SLC25A17: variants seen among roughly 807,000 people sequenced by gnomAD.
The protein encoded by SLC25A17 is peroxisomal membrane protein PMP34.
Under a neutral mutation model 38.5 loss-of-function variants are expected in SLC25A17, and 26 were observed. The observed-to-expected ratio is 0.68, with a 90% CI of 0.50 to 0.94. The LOEUF (loss-of-function observed/expected upper bound fraction) is 0.94, where lower values mean the gene tolerates loss of function less well. Ranked by LOEUF, SLC25A17 falls within the 40% of genes least tolerant of loss-of-function variation. The pLI, the probability that SLC25A17 is intolerant of heterozygous loss-of-function variation, is 0.00. For missense variants in SLC25A17, 333 were observed against 372.7 expected (o/e 0.89, Z 0.88); for synonymous variants, 139 against 136.2 (o/e 1.02, Z -0.14).
At chr22:40,780,723 G>A (rs1005268505) in intron 4 of SLC25A17, among the ~76,000 whole-genome samples, 1 of 152,154 alleles carries the variant, frequency 6.6e-6, no homozygotes, top group African/African-American at 2.4e-5. Context: ...ACCGTAGAAA[G>A]GTATAGTGCA....
chr22:40,770,901 A>C lies in SLC25A17; in HGVS notation c.857T>G (p.Leu286Arg). Residue 286 changes from leucine to arginine, a missense_variant, in exon 9 of 9, where the codon CTT (leucine) becomes CGT (arginine). Leu to Arg is a moderately radical substitution (Grantham distance 102). Transcript: ENST00000435456. ...QTVLTAALMFLVYEKLTAATF... is the reference protein window; with the variant it reads ...QTVLTAALMFRVYEKLTAATF... ...GGCAGCTGTCAGTTTCTCATAAACA[A>C]GGAACATGAGAGCAGCAGTGAGGAC... The C allele has an allele frequency of 6.2e-7, 1 of 1,613,682 alleles. No individual in the cohort carries two copies. The highest frequency in any genetic ancestry group is 1.1e-5 in the South Asian group (1 of 91,034).
At chr22:40,795,465 T>G (rs1324374003) in intron 2 of SLC25A17, among the ~76,000 whole-genome samples, 1 of 152,118 alleles carries the variant, frequency 6.6e-6, no homozygotes, top group Non-Finnish European at 1.5e-5. Context: ...GCTAATTTTT[T>G]GTTTTTGTAG....
chr22:40,772,191 A>G (rs1223016981), intron 8 of SLC25A17, among the ~76,000 whole-genome samples: 1 of 152,184 alleles, frequency 6.6e-6, no homozygotes, highest in East Asian at 1.9e-4. Flanking sequence ...CAGCTGTACC[A>G]TTCTATATTC....
At chr22:40,788,163 T>C (rs979262633) in intron 4 of SLC25A17, among the ~76,000 whole-genome samples, 1 of 152,240 alleles carries the variant, frequency 6.6e-6, no homozygotes, top group Admixed American at 6.5e-5. Context: ...CACAAACTAG[T>C]GACTTGCCTT....
intron 1 of SLC25A17, among the ~76,000 whole-genome samples, chr22:40,814,602 A>G (rs1185322612): frequency 6.6e-6 from 1 of 152,074 alleles, no homozygotes; most frequent in Non-Finnish European, 1.5e-5. Flanking sequence ...TAAAAGTCTG[A>G]CATTGTGAAA....
At position 40,818,543 on chromosome 22, in the gene SLC25A17, T is replaced by A. The variant is rs79295691; in HGVS notation, c.54+652A>T. ...GGGCAACACTGCCAGACCCCAAAAA[T>A]TTTTTTTAAAAATGTAGCCGGGTGT... On this transcript the variant is annotated intron_variant, in intron 1 of 8. Coordinates refer to ENST00000435456, the MANE Select transcript of SLC25A17 (RefSeq NM_006358.4). 1.3e-3 allele frequency among the ~76,000 whole-genome samples: 186 copies of A among 141,352 alleles called. 1 individual carries two copies. Among genetic ancestry groups the A allele is most frequent in the Admixed American group, 2.5e-3 (36 of 14,250 alleles). The allele number at this position is 141,352 out of a possible 152,430, so 92.7% of individuals were successfully genotyped here. A position where few individuals can be genotyped will look rare whatever the true frequency, so the allele number is the denominator to read the frequency against.
At chr22:40,782,113 A>C (rs1316077014) in intron 4 of SLC25A17, among the ~76,000 whole-genome samples, 1 of 152,036 alleles carries the variant, frequency 6.6e-6, no homozygotes, top group Non-Finnish European at 1.5e-5. Flanking sequence ...CCAGCTACTC[A>C]GGAGGCTGAG....
intron 7 of SLC25A17, among the ~76,000 whole-genome samples, chr22:40,774,314 C>T (rs2057218965): frequency 6.6e-6 from 1 of 151,770 alleles, no homozygotes; most frequent in Non-Finnish European, 1.5e-5. Context: ...ACCTCCACCT[C>T]CCAGGTTCAA....
chr22:40,800,319 C>A (rs2057469615), intron 1 of SLC25A17, among the ~76,000 whole-genome samples: 1 of 152,002 alleles, frequency 6.6e-6, no homozygotes, highest in Admixed American at 6.6e-5. Flanking sequence ...AGATGCATAC[C>A]CACTGGTATA....
chr22:40,777,854 T>C (rs1008785681), intron 5 of SLC25A17, among the ~76,000 whole-genome samples: 12 of 152,184 alleles, frequency 7.9e-5, no homozygotes, highest in Non-Finnish European at 1.5e-4. Flanking sequence ...AATTACTTTT[T>C]GATAATCAGA....
intron 8 of SLC25A17, among the ~76,000 whole-genome samples, chr22:40,773,229 G>A (rs983898094): frequency 6.6e-6 from 1 of 151,934 alleles, no homozygotes; most frequent in African/African-American, 2.4e-5. Context: ...CAAACACAGT[G>A]AAACCCCATC....
chr22:40,784,264 A>G (rs2057318167), intron 4 of SLC25A17, among the ~76,000 whole-genome samples: 1 of 152,102 alleles, frequency 6.6e-6, no homozygotes. Context: ...GGCTTGTGGG[A>G]AAGGGTATAT....
At chr22:40,796,850 G>A (rs998096751) in intron 2 of SLC25A17, among the ~76,000 whole-genome samples, 6 of 152,132 alleles carry the variant, frequency 3.9e-5, no homozygotes, top group African/African-American at 1.4e-4. Flanking sequence ...TCACACCATG[G>A]AATGGAACAC....
chr22:40,795,790 T>G lies in SLC25A17; in HGVS notation c.116-1210A>C, dbSNP rs568455486. Among the ~76,000 whole-genome samples, 364 of 152,030 alleles carry G rather than the reference T, an allele frequency of 2.4e-3. 2 individuals carry two copies. Among genetic ancestry groups the G allele is most frequent in the Admixed American group, 3.4e-3 (52 of 15,286 alleles). The stretch of plus-strand genomic sequence containing the variant: ...AGCCAGTATTAACATTCAAGTTTCT[T>G]TTTTCTTTTTTTTTTGAGACGGAGT... On this transcript the variant is annotated intron_variant, in intron 2 of 8. Coordinates refer to ENST00000435456, the MANE Select transcript of SLC25A17 (RefSeq NM_006358.4).
At chr22:40,798,485 T>A (rs1399242399) in intron 2 of SLC25A17, among the ~76,000 whole-genome samples, 1 of 151,206 alleles carries the variant, frequency 6.6e-6, no homozygotes. Context: ...GCCTCTAGAG[T>A]GGGAAAGGGG....
intron 8 of SLC25A17, among the ~76,000 whole-genome samples, chr22:40,772,300 T>C (rs951299434): frequency 4.6e-5 from 7 of 152,166 alleles, no homozygotes; most frequent in Admixed American, 4.6e-4. Flanking sequence ...ATATTCTTTG[T>C]CTTTTATTTT....
chr22:40,808,019 T>G (rs2057545057), intron 1 of SLC25A17, among the ~76,000 whole-genome samples: 1 of 152,120 alleles, frequency 6.6e-6, no homozygotes, highest in African/African-American at 2.4e-5. Flanking sequence ...GTCTGTTCAC[T>G]TACATAAAAT....
At chr22:40,806,103 C>A (rs576977725) in intron 1 of SLC25A17, among the ~76,000 whole-genome samples, 1 of 152,302 alleles carries the variant, frequency 6.6e-6, no homozygotes, top group South Asian at 2.1e-4. Flanking sequence ...GAAAGCTAAC[C>A]ATTATCATAT....
chr22:40,777,608 C>T (rs974227520), intron 5 of SLC25A17, among the ~76,000 whole-genome samples: 2 of 151,962 alleles, frequency 1.3e-5, no homozygotes, highest in African/African-American at 4.8e-5. Context: ...ATGGTGAAAC[C>T]CTGTCTCTAC....
Sources: gnomAD v4.1 joint callset for allele counts (sites outside exome capture counted in the v4.1 genomes callset) on GRCh38, gnomAD v4.1.1 for gene constraint, MANE v1.5 for transcripts, NCBI Gene and HGNC (gene_info 2026-07-23, HGNC 2026-07-21) for gene names.